Variants in KLB observed in about 807,000 individuals in gnomAD.
The protein encoded by KLB is klotho beta, also known as beta-klotho.
Under a neutral mutation model 88.4 loss-of-function variants are expected in KLB, and 44 were observed. That is an observed-to-expected ratio of 0.50 (90% CI 0.39 to 0.64). The LOEUF (loss-of-function observed/expected upper bound fraction) is 0.64. KLB is among the 30% of genes least tolerant of loss of function. The pLI is 0.00. For missense variants in KLB, 1,137 were observed against 1,304.8 expected (o/e 0.87, Z 1.98); for synonymous variants, 548 against 513.4 (o/e 1.07, Z -0.91).
intron 1 of KLB, among the ~76,000 whole-genome samples, chr4:39,414,140 A>T (rs1266315509): frequency 6.6e-6 from 1 of 152,158 alleles, no homozygotes; most frequent in African/African-American, 2.4e-5. Flanking sequence ...TATAGTAGAC[A>T]ACTGGTTAAA....
At chr4:39,430,601 T>C (rs1486810186) in intron 1 of KLB, among the ~76,000 whole-genome samples, 2 of 139,918 alleles carry the variant, frequency 1.4e-5, no homozygotes, top group Non-Finnish European at 3.1e-5. Flanking sequence ...AAATTTTTTT[T>C]TTTTTTTTTT....
chr4:39,427,044 G>A (rs957609406), intron 1 of KLB, among the ~76,000 whole-genome samples: 1 of 152,184 alleles, frequency 6.6e-6, no homozygotes, highest in Non-Finnish European at 1.5e-5. Flanking sequence ...ATCTGGAAGA[G>A]CAGCATTTGG....
In KLB at chr4:39,434,687, A is replaced by G. The variant is rs553056848; in HGVS notation, c.1303A>G (p.Met435Val). 2.5e-6 allele frequency: 4 copies of G among 1,613,442 alleles called. No homozygotes were observed. The highest frequency in any genetic ancestry group is 4.5e-5 in the East Asian group (2 of 44,882). ...VKTEDTTAIY[M>V]MKNFLSQVLQ... ...AACAGAAGACACCACGGCCATCTACATGATGAAGAATTTCCTCAGCCAGGT... is the reference window on the plus strand; with the variant it reads ...AACAGAAGACACCACGGCCATCTACGTGATGAAGAATTTCCTCAGCCAGGT... The change falls in exon 2 of 5, where the codon ATG (methionine) becomes GTG (valine). Residue 435 changes from methionine (M) to valine (V), a missense_variant. Physicochemically the swap from Met to Val is conservative, Grantham distance 21. Around this residue, in one of 4 missense-constraint regions of KLB, gnomAD observed 597 missense variants for 765.2 expected, o/e 0.78. Transcript: ENST00000257408.
In KLB at chr4:39,445,684, G is replaced by GTTTT. The variant is rs67319815; in HGVS notation, c.1606-634_1606-631dup. Among the ~76,000 whole-genome samples the GTTTT allele has an allele frequency of 7.9e-4, 75 of 94,950 alleles. 1 individual carries two copies. The highest frequency in any genetic ancestry group is 5.6e-3 in the Middle Eastern group (1 of 178). 62.3% of individuals were successfully genotyped at this position (94,950 alleles called of 152,430 possible). A position where few individuals can be genotyped will look rare whatever the true frequency, so the allele number is the denominator to read the frequency against. On this transcript the variant is annotated intron_variant, in intron 3 of 4. Coordinates refer to ENST00000257408, the MANE Select transcript of KLB (RefSeq NM_175737.4). ...CACGCCTGGCTAATCTTGTTTTTTT[G>GTTTT]TTTTTTTTTTTTTTTTTAGTAGAGA...
chr4:39,407,335 A>G lies in KLB; in HGVS notation c.386A>G (p.Asp129Gly), dbSNP rs752218328. Residue 129 changes from aspartate (D) to glycine (G), a missense_variant, in exon 1 of 5, where the codon GAC (aspartate) becomes GGC (glycine). Asp to Gly is a moderately conservative substitution (Grantham distance 94, BLOSUM62 -1). Transcript: ENST00000257408. ...KNVSSTNGSS[D>G]SYIFLEKDLS... ...GTCAGCAGCACGAATGGTTCCAGTG[A>G]CAGTTATATTTTTCTGGAAAAAGAC... 6.2e-7 allele frequency: 1 copy of G among 1,614,216 alleles called. No individual in the cohort carries two copies. The highest frequency in any genetic ancestry group is 8.5e-7 in the Non-Finnish European group (1 of 1,180,038).
intron 1 of KLB, among the ~76,000 whole-genome samples, chr4:39,419,139 G>C (rs753154092): frequency 7.5e-4 from 114 of 151,910 alleles, no homozygotes; most frequent in Non-Finnish European, 1.1e-3. Flanking sequence ...AACTACGACT[G>C]GTATTCTAAA....
intron 4 of KLB, among the ~76,000 whole-genome samples, chr4:39,447,822 T>G (rs1364795848): frequency 1.3e-5 from 2 of 152,128 alleles, no homozygotes; most frequent in Non-Finnish European, 2.9e-5. Context: ...GTGTATAAAT[T>G]TATGGGATGC....
chr4:39,423,766 G>T (rs1424596875), intron 1 of KLB, among the ~76,000 whole-genome samples: 1 of 151,742 alleles, frequency 6.6e-6, no homozygotes, highest in African/African-American at 2.4e-5. Flanking sequence ...GTCAGTCTCT[G>T]CCCTCAAGAA....
chr4:39,446,442 A>T lies in KLB; in HGVS notation c.1716A>T (p.Arg572=), dbSNP rs924144512. The change falls in exon 4 of 5, where the codon CGA becomes CGT. Residue 572 remains arginine, a synonymous_variant. Coordinates refer to ENST00000257408, the MANE Select transcript of KLB (RefSeq NM_175737.4). The surrounding 1 kb of genome is among the most constrained non-coding windows in gnomAD (Gnocchi z 6.4). The part of the protein sequence containing the change: ...HRVEGVRLKT[R]PAQCTDFVNI... ...TGGAAGGGGTGAGGCTGAAAACACG[A>T]CCCGCTCAATGCACAGATTTTGTAA... The T allele has an allele frequency of 1.2e-6, 2 of 1,614,184 alleles. No homozygotes were observed. The highest frequency in any genetic ancestry group is 1.7e-5 in the Admixed American group (1 of 60,022).
At chr4:39,432,056 G>A (rs1422452451) in intron 1 of KLB, among the ~76,000 whole-genome samples, 1 of 152,232 alleles carries the variant, frequency 6.6e-6, no homozygotes, top group Non-Finnish European at 1.5e-5. Context: ...GGAGGCCGAG[G>A]TGTGTGGATC....
chr4:39,418,944 T>TAAAAAA (rs35661811), intron 1 of KLB, among the ~76,000 whole-genome samples: 2 of 116,894 alleles, frequency 1.7e-5, no homozygotes, highest in Non-Finnish European at 3.5e-5. Flanking sequence ...ATGCCATCTC[T>TAAAAAA]AAAAAAAAAA....
rs2109846848 is a variant in KLB at position 39,447,420 on chromosome 4, G to A, written c.2694G>A (p.Glu898=). Residue 898 remains glutamate (E), a synonymous_variant, in exon 4 of 5, where the codon GAG becomes GAA. Transcript: ENST00000257408. ...GTGGCATCGACGACCAGGCTCTGGA[G>A]GATGACCGGCTCCGGAAGTACTACC... The part of the protein sequence containing the change: ...TASGIDDQAL[E]DDRLRKYYLG... 1.2e-6 allele frequency: 2 copies of A among 1,611,936 alleles called. No individual in the cohort carries two copies. Among genetic ancestry groups the A allele is most frequent in the East Asian group, 2.2e-5 (1 of 44,870 alleles).
chr4:39,419,575 AC>A, intron 1 of KLB, among the ~76,000 whole-genome samples: 1 of 152,054 alleles, frequency 6.6e-6, no homozygotes. Flanking sequence ...GGAGTTCAAC[AC>A]CAGCCTGGCC....
In KLB at chr4:39,437,781, A is replaced by G; in HGVS notation, c.1391A>G (p.Asp464Gly). Residue 464 changes from aspartate (D) to glycine (G), a missense_variant, in exon 3 of 5, where the codon GAT (aspartate) becomes GGT (glycine). By Grantham distance (94) the Asp-to-Gly change is moderately conservative (BLOSUM62 -1). Coordinates refer to ENST00000257408, the MANE Select transcript of KLB (RefSeq NM_175737.4). ...VFGYTAWSLL[D>G]GFEWQDAYTI... ...GGTTATACTGCCTGGTCTCTCCTGGATGGCTTTGAATGGCAGGATGCTTAC... is the reference window on the plus strand; with the variant it reads ...GGTTATACTGCCTGGTCTCTCCTGGGTGGCTTTGAATGGCAGGATGCTTAC... The G allele has an allele frequency of 6.2e-7, 1 of 1,614,066 alleles. No homozygotes were observed. Among genetic ancestry groups the G allele is most frequent in the Non-Finnish European group, 8.5e-7 (1 of 1,179,978 alleles).
chr4:39,424,713 C>A (rs1407126469), intron 1 of KLB, among the ~76,000 whole-genome samples: 1 of 149,922 alleles, frequency 6.7e-6, no homozygotes, highest in African/African-American at 2.5e-5. Flanking sequence ...CTCACTGCAA[C>A]CTTTGCATCC....
intron 2 of KLB, among the ~76,000 whole-genome samples, chr4:39,437,234 C>T (rs1199466537): frequency 1.3e-5 from 2 of 152,302 alleles, no homozygotes; most frequent in East Asian, 3.9e-4. Flanking sequence ...TCTTACATCA[C>T]TTTTCTTCTT....
chr4:39,448,470 T>C lies in KLB; in HGVS notation c.2919T>C (p.Ser973=). The C allele has an allele frequency of 6.2e-7, 1 of 1,614,134 alleles. No homozygotes were observed. The highest frequency in any genetic ancestry group is 8.5e-7 in the Non-Finnish European group (1 of 1,179,968). ...SSRGFPFENS[S]SRCSQTQENT... ...GGGGCTTCCCTTTTGAGAACAGTAG[T>C]TCTAGATGCAGTCAGACCCAAGAAA... Residue 973 remains serine (S), a synonymous_variant, in exon 5 of 5, where the codon AGT becomes AGC. Coordinates refer to ENST00000257408, the MANE Select transcript of KLB (RefSeq NM_175737.4).
chr4:39,429,314 C>A (rs1743287629), intron 1 of KLB, among the ~76,000 whole-genome samples: 1 of 152,188 alleles, frequency 6.6e-6, no homozygotes, highest in Non-Finnish European at 1.5e-5. Flanking sequence ...ATCTTTCCAA[C>A]AGTGTCCTGT....
chr4:39,419,862 T>C (rs1560645878), intron 1 of KLB, among the ~76,000 whole-genome samples: 1 of 143,302 alleles, frequency 7.0e-6, no homozygotes, highest in Admixed American at 7.2e-5. Flanking sequence ...GAGAATCGCT[T>C]GAACCTGGGA....
Sources: allele counts gnomAD v4.1 joint callset (sites outside exome capture counted in the v4.1 genomes callset), GRCh38; gene constraint gnomAD v4.1.1; regional missense constraint gnomAD v4.1.1; non-coding constraint Gnocchi (gnomAD v3.1); transcripts MANE v1.5; gene names NCBI Gene and HGNC (gene_info 2026-07-23, HGNC 2026-07-21).